The following SPOCK1 variants were observed in gnomAD, a reference collection of about 807,000 sequenced individuals.
SPOCK1 encodes SPARC (osteonectin), cwcv and kazal like domains proteoglycan 1.
SPOCK1 carries 23 observed loss-of-function variants against 55.3 expected under a neutral mutation model. The ratio of observed to expected loss-of-function variants is 0.42; its 90% CI spans 0.30 to 0.59. The LOEUF is 0.59. SPOCK1 is among the 20% of genes least tolerant of loss of function. The pLI, the probability that SPOCK1 is intolerant of heterozygous loss-of-function variation, is 0.22. For synonymous variants in SPOCK1, 226 were observed against 221.0 expected (o/e 1.02, Z -0.20); for missense variants, 499 against 552.5 (o/e 0.90, Z 0.97).
intron 3 of SPOCK1, among the ~76,000 whole-genome samples, chr5:137,223,782 G>C (rs1446274822): frequency 6.6e-6 from 1 of 152,000 alleles, no homozygotes; most frequent in African/African-American, 2.4e-5. Flanking sequence ...TGCCCTGCCA[G>C]AGTTCAGAAT....
intron 3 of SPOCK1, among the ~76,000 whole-genome samples, chr5:137,230,152 A>T (rs1259999051): frequency 6.6e-6 from 1 of 152,092 alleles, no homozygotes; most frequent in Non-Finnish European, 1.5e-5. Context: ...CCTAACATAA[A>T]CTCAGAGCCA....
intron 2 of SPOCK1, among the ~76,000 whole-genome samples, chr5:137,481,640 C>T (rs189129196): frequency 8.1e-4 from 123 of 152,268 alleles, no homozygotes; most frequent in African/African-American, 2.9e-3. Flanking sequence ...AAAACTATAA[C>T]AAGTATCTTA....
At chr5:137,366,206 A>C (rs920573940) in intron 2 of SPOCK1, among the ~76,000 whole-genome samples, 1 of 152,242 alleles carries the variant, frequency 6.6e-6, no homozygotes, top group Non-Finnish European at 1.5e-5. Context: ...AGAATAAGAC[A>C]GCACTGTTCA....
intron 2 of SPOCK1, among the ~76,000 whole-genome samples, chr5:137,296,883 G>A (rs1757498739): frequency 6.6e-6 from 1 of 152,254 alleles, no homozygotes; most frequent in South Asian, 2.1e-4. Context: ...GGCTACCCAA[G>A]CCCTCCTGCA....
At chr5:137,230,782 A>C (rs1055982436) in intron 3 of SPOCK1, among the ~76,000 whole-genome samples, 3 of 114,108 alleles carry the variant, frequency 2.6e-5, no homozygotes, top group Non-Finnish European at 5.4e-5. Flanking sequence ...TGCAGTTGTA[A>C]GAAATAATCC....
At chr5:137,074,342 G>T (rs1752683970) in intron 5 of SPOCK1, among the ~76,000 whole-genome samples, 1 of 152,134 alleles carries the variant, frequency 6.6e-6, no homozygotes, top group Admixed American at 6.5e-5. Flanking sequence ...TGTTCTTACA[G>T]GCATAATACC....
chr5:137,302,589 AAT>A (rs1162882924), intron 2 of SPOCK1, among the ~76,000 whole-genome samples: 1 of 132,216 alleles, frequency 7.6e-6, no homozygotes, highest in African/African-American at 3.2e-5. Flanking sequence ...AAAATAAATA[AAT>A]AAATAAATAA....
At chr5:137,428,927 C>A (rs1320938763) in intron 2 of SPOCK1, among the ~76,000 whole-genome samples, 4 of 152,200 alleles carry the variant, frequency 2.6e-5, no homozygotes, top group Admixed American at 1.3e-4. Context: ...GAACTCCCTC[C>A]AACCTGAGTG....
chr5:137,052,618 A>G (rs1165022006), intron 6 of SPOCK1, among the ~76,000 whole-genome samples: 1 of 152,242 alleles, frequency 6.6e-6, no homozygotes, highest in Non-Finnish European at 1.5e-5. Context: ...TATAAATTAG[A>G]GAAGCTAAAT....
At chr5:137,253,685 A>G (rs1357655004) in intron 3 of SPOCK1, among the ~76,000 whole-genome samples, 1 of 152,102 alleles carries the variant, frequency 6.6e-6, no homozygotes, top group Non-Finnish European at 1.5e-5. Context: ...AGCCTACCCC[A>G]TCCTCACACA....
At chr5:137,384,530 G>A (rs532240397) in intron 2 of SPOCK1, among the ~76,000 whole-genome samples, 3 of 147,324 alleles carry the variant, frequency 2.0e-5, no homozygotes, top group South Asian at 4.2e-4. Context: ...ATGCATGCAT[G>A]CATATGTATA....
At chr5:137,357,396 C>T (rs1445565231) in intron 2 of SPOCK1, among the ~76,000 whole-genome samples, 1 of 152,168 alleles carries the variant, frequency 6.6e-6, no homozygotes, top group African/African-American at 2.4e-5. Flanking sequence ...AGCCCTGATG[C>T]ACACTTTGTT....
intron 5 of SPOCK1, among the ~76,000 whole-genome samples, chr5:137,068,859 T>C (rs1752556320): frequency 6.6e-6 from 1 of 152,182 alleles, no homozygotes; most frequent in East Asian, 1.9e-4. Context: ...TTTTTGTCTG[T>C]AAATTTCTCA....
intron 2 of SPOCK1, among the ~76,000 whole-genome samples, chr5:137,495,443 T>G (rs1200945178): frequency 6.6e-6 from 1 of 152,174 alleles, no homozygotes; most frequent in Non-Finnish European, 1.5e-5. Flanking sequence ...GTTTCAAAAA[T>G]CACATCTGAA....
At chr5:137,015,407 G>A (rs62387880) in intron 6 of SPOCK1, among the ~76,000 whole-genome samples, 26,388 of 152,094 alleles carry the variant, frequency 0.17, 2,887 homozygotes, top group Non-Finnish European at 0.24. Context: ...AAGAGATTGC[G>A]CCACTGCACT....
chr5:137,004,621 T>C (rs182469082), intron 6 of SPOCK1, among the ~76,000 whole-genome samples: 10 of 152,244 alleles, frequency 6.6e-5, no homozygotes, highest in Admixed American at 5.9e-4. Context: ...ATCCAGTATC[T>C]AACAACACAG....
chr5:137,366,283 T>C (rs1419754450), intron 2 of SPOCK1, among the ~76,000 whole-genome samples: 2 of 151,714 alleles, frequency 1.3e-5, no homozygotes, highest in Non-Finnish European at 2.9e-5. Flanking sequence ...AATAGAAAAT[T>C]TGGAGCTGTC....
At chr5:137,326,845 G>A (rs1758086377) in intron 2 of SPOCK1, among the ~76,000 whole-genome samples, 1 of 152,104 alleles carries the variant, frequency 6.6e-6, no homozygotes, top group Admixed American at 6.5e-5. Context: ...CTATCATTCC[G>A]CTGTGTTTAT....
chr5:137,459,966 T>C (rs569138617), intron 2 of SPOCK1, among the ~76,000 whole-genome samples: 18 of 152,210 alleles, frequency 1.2e-4, no homozygotes, highest in African/African-American at 3.4e-4. Flanking sequence ...GCAGACAGGA[T>C]AGTGGCATTT....
Sources: allele counts gnomAD v4.1 joint callset (sites outside exome capture counted in the v4.1 genomes callset), GRCh38; gene constraint gnomAD v4.1.1; transcripts MANE v1.5; gene names NCBI Gene and HGNC (gene_info 2026-07-23, HGNC 2026-07-21).